The following NCBP3 variants were observed in gnomAD, a reference collection of about 807,000 sequenced individuals.
NCBP3 encodes the protein nuclear cap binding subunit 3.
Under a neutral mutation model 75.7 loss-of-function variants are expected in NCBP3, and 20 were observed. That is an observed-to-expected ratio of 0.26 (90% CI 0.19 to 0.38). NCBP3 has a LOEUF of 0.38. Among genes scored for constraint, NCBP3 ranks in the 10% least tolerant of loss-of-function variants. NCBP3 has a pLI of 1.00. For missense variants in NCBP3, 678 were observed against 796.9 expected (o/e 0.85, Z 1.80); for synonymous variants, 293 against 290.5 (o/e 1.01, Z -0.09).
intron 2 of NCBP3, 141 bp downstream of exon 2, chr17:3,842,945 A>G (rs2054091971): frequency 6.6e-6 from 5 of 755,918 alleles, no homozygotes; most frequent in Admixed American, 4.9e-5. Context: ...TGCCTGGCCA[A>G]TAACACAATT....
intron 4 of NCBP3, among the ~76,000 whole-genome samples, chr17:3,827,493 T>C (rs775418464): frequency 3.9e-5 from 6 of 152,252 alleles, no homozygotes; most frequent in Non-Finnish European, 8.8e-5. Flanking sequence ...TAGCAACTAA[T>C]TTAATGTGCC....
chr17:3,845,646 G>A, intron 1 of NCBP3, among the ~76,000 whole-genome samples: 1 of 152,176 alleles, frequency 6.6e-6, no homozygotes, highest in East Asian at 1.9e-4. Context: ...AGGAGACCTG[G>A]TTGCTGGCGC....
At chr17:3,840,031 T>A (rs942883946) in intron 3 of NCBP3, 69 bp downstream of exon 3, 5 of 1,219,850 alleles carry the variant, frequency 4.1e-6, no homozygotes, top group Non-Finnish European at 5.9e-6. Flanking sequence ...GCCAGAAGCA[T>A]GAGGTGATGG....
Position 3,803,911 on chromosome 17 carries a change from T to TA in NCBP3, c.*9132dup, listed in dbSNP as rs1179946692. ...TAACACGGTGAAACCCGGTCTCTAC[T>TA]AAAAATACAAAAAAAATTAGCCAGG... On this transcript the variant is annotated 3_prime_UTR_variant, in exon 13 of 13. Coordinates refer to ENST00000389005, the MANE Select transcript of NCBP3 (RefSeq NM_001114118.3). 6.6e-6 allele frequency: 1 copy of TA among 151,866 alleles called. No individual in the cohort carries two copies. Among genetic ancestry groups the TA allele is most frequent in the Non-Finnish European group, 1.5e-5 (1 of 68,002 alleles). 9.4% of individuals were successfully genotyped at this position (151,866 alleles called of 1,614,324 possible).
At chr17:3,826,344 C>G in intron 4 of NCBP3, 129 bp from the exon 5 acceptor site, 1 of 908,152 alleles carries the variant, frequency 1.1e-6, no homozygotes, top group East Asian at 2.8e-5. Context: ...ATATACAAAC[C>G]AACTAATGAA....
In NCBP3 at chr17:3,813,208, C is replaced by T. The variant is rs749351920; in HGVS notation, c.1699G>A (p.Ala567Thr). 1.2e-6 allele frequency: 2 copies of T among 1,614,244 alleles called. No individual in the cohort carries two copies. The highest frequency in any genetic ancestry group is 1.7e-6 in the Non-Finnish European group (2 of 1,180,048). ...EKNTKKVDHR[A>T]PGAEEDDSEL... ...GAGTCGTCTTCCTCAGCGCCAGGCG[C>T]CCTGTGATCCACTTTCTTCGTATTC... Residue 567 changes from alanine to threonine, a missense_variant, in exon 13 of 13, where the codon GCG (alanine) becomes ACG (threonine). Ala to Thr is a moderately conservative substitution (Grantham distance 58). Around this residue, in one of 7 missense-constraint regions of NCBP3, gnomAD observed 365 missense variants for 392.7 expected, o/e 0.93. Transcript: ENST00000389005.
At chr17:3,834,964 G>C (rs895437197) in intron 3 of NCBP3, among the ~76,000 whole-genome samples, 2 of 152,138 alleles carry the variant, frequency 1.3e-5, no homozygotes, top group Non-Finnish European at 2.9e-5. Context: ...AGTTCCTCAT[G>C]ACAGTAAAAG....
At chr17:3,836,117 T>C (rs1279057513) in intron 3 of NCBP3, among the ~76,000 whole-genome samples, 1 of 152,246 alleles carries the variant, frequency 6.6e-6, no homozygotes, top group Non-Finnish European at 1.5e-5. Context: ...CGTTATCTTT[T>C]ATTATTGTTG....
At position 3,846,090 on chromosome 17, in the gene NCBP3, CCCT is replaced by C; in HGVS notation, c.131_133del (p.Glu44del). ...CCGCACAGGCACGATTTCCAGCTCG[CCCT>C]CCTCCACCTCCATGGGCTCCGGCTC... is the stretch of plus-strand genomic sequence containing the variant. On this transcript the variant is annotated inframe_deletion, in exon 1 of 13. Coordinates refer to ENST00000389005, the MANE Select transcript of NCBP3 (RefSeq NM_001114118.3). The surrounding 1 kb of genome is among the most constrained non-coding windows in gnomAD (Gnocchi z 4.6). 4 of 1,549,424 alleles carry C rather than the reference CCCT, an allele frequency of 2.6e-6. No individual in the cohort carries two copies. Among genetic ancestry groups the C allele is most frequent in the Non-Finnish European group, 3.5e-6 (4 of 1,146,074 alleles).
In NCBP3 at chr17:3,811,656, A is replaced by G. The variant is rs2053416946; in HGVS notation, c.*1388T>C. 6.6e-6 allele frequency: 1 copy of G among 152,250 alleles called. No individual in the cohort carries two copies. The highest frequency in any genetic ancestry group is 1.5e-5 in the Non-Finnish European group (1 of 68,050). 9.4% of individuals were successfully genotyped at this position (152,250 alleles called of 1,614,324 possible). On this transcript the variant is annotated 3_prime_UTR_variant, in exon 13 of 13. Coordinates refer to ENST00000389005, the MANE Select transcript of NCBP3 (RefSeq NM_001114118.3). Reference sequence around the variant, plus strand: ...TCCGCCACAAGTAAAGATCGACAGGATCCAGGCTGCACTGTGTGCACAACA... The same window carrying G: ...TCCGCCACAAGTAAAGATCGACAGGGTCCAGGCTGCACTGTGTGCACAACA...
At chr17:3,843,184 C>A in intron 1 of NCBP3, 33 bp from the exon 2 acceptor site, 2 of 1,530,104 alleles carry the variant, frequency 1.3e-6, no homozygotes, top group Non-Finnish European at 1.8e-6. Flanking sequence ...GAAATTCAGA[C>A]AGCAATTGAG....
At position 3,821,476 on chromosome 17, in the gene NCBP3, G is replaced by T. The variant is rs1048232862; in HGVS notation, c.897-124C>A. On this transcript the variant is annotated intron_variant, in intron 8 of 12. Coordinates refer to ENST00000389005, the MANE Select transcript of NCBP3 (RefSeq NM_001114118.3). ...CTCAATCTCTCTCCCAGGCTGAAGT[G>T]CAATGGCACCATCTCAGCTCACTGC... 11 of 712,428 alleles carry T rather than the reference G, an allele frequency of 1.5e-5. No individual in the cohort carries two copies. The South Asian group carries it at 1.9e-4, about 12-fold the overall frequency. The allele number at this position is 712,428 out of a possible 1,614,324, so 44.1% of individuals were successfully genotyped here.
intron 7 of NCBP3, chr17:3,824,327 T>C (rs369525549): frequency 7.0e-6 from 1 of 142,076 alleles, no homozygotes; most frequent in South Asian, 2.1e-4. Flanking sequence ...ATAATACATA[T>C]ACATACATAC....
At chr17:3,834,550 C>A (rs2053942265) in intron 3 of NCBP3, among the ~76,000 whole-genome samples, 3 of 152,136 alleles carry the variant, frequency 2.0e-5, no homozygotes, top group African/African-American at 7.2e-5. Context: ...CCGAGGCGGG[C>A]AGATCACCTG....
chr17:3,829,459 A>C (rs1373551279), intron 3 of NCBP3, 91 bp from the exon 4 acceptor site: 18 of 1,375,450 alleles, frequency 1.3e-5, no homozygotes, highest in Non-Finnish European at 1.8e-5. Flanking sequence ...TTCAGACAAC[A>C]CGAGTTTAGA....
At chr17:3,836,170 G>T (rs1195951827) in intron 3 of NCBP3, among the ~76,000 whole-genome samples, 1 of 152,210 alleles carries the variant, frequency 6.6e-6, no homozygotes, top group Non-Finnish European at 1.5e-5. Flanking sequence ...GCCTAGTGTG[G>T]ATGCAGGAGT....
At chr17:3,838,467 C>T (rs969100999) in intron 3 of NCBP3, among the ~76,000 whole-genome samples, 12 of 152,202 alleles carry the variant, frequency 7.9e-5, no homozygotes, top group Non-Finnish European at 1.2e-4. Context: ...ACAGAAACCC[C>T]GCCCATGAGG....
chr17:3,834,273 T>C (rs2053936963), intron 3 of NCBP3, among the ~76,000 whole-genome samples: 1 of 152,162 alleles, frequency 6.6e-6, no homozygotes. Context: ...AAAAGCAGTG[T>C]GACTGCAAAG....
At chr17:3,844,790 C>T (rs897371549) in intron 1 of NCBP3, among the ~76,000 whole-genome samples, 1 of 152,148 alleles carries the variant, frequency 6.6e-6, no homozygotes, top group Non-Finnish European at 1.5e-5. Context: ...GCGGAGGTTG[C>T]GGTGAGCCAA....
Sources: gnomAD v4.1 joint callset for allele counts (sites outside exome capture counted in the v4.1 genomes callset) on GRCh38, gnomAD v4.1.1 for gene constraint, gnomAD v4.1.1 regional missense constraint, Gnocchi (gnomAD v3.1) non-coding constraint, MANE v1.5 for transcripts, NCBI Gene and HGNC (gene_info 2026-07-23, HGNC 2026-07-21) for gene names.